DYNC2LI1: variants seen among roughly 807,000 people sequenced by gnomAD.
The protein encoded by DYNC2LI1 is cytoplasmic dynein 2 light intermediate chain 1.
DYNC2LI1 carries 45 observed loss-of-function variants against 51.9 expected under a neutral mutation model. That is an observed-to-expected ratio of 0.87 (90% CI 0.68 to 1.11). The LOEUF (loss-of-function observed/expected upper bound fraction) is 1.11. Ranked by LOEUF, DYNC2LI1 falls within the 50% of genes most tolerant of loss-of-function variation. DYNC2LI1 has a pLI of 0.00. For missense variants in DYNC2LI1, 490 were observed against 417.4 expected (o/e 1.17, Z -1.51); for synonymous variants, 130 against 137.8 (o/e 0.94, Z 0.40).
At chr2:43,801,540 T>G (rs1177035025) in intron 9 of DYNC2LI1, 99 bp from the exon 10 acceptor site, 7 of 821,670 alleles carry the variant, frequency 8.5e-6, no homozygotes, top group Non-Finnish European at 1.4e-5. Context: ...AGTGGCTAAA[T>G]GTAAAACTAG....
In DYNC2LI1 at chr2:43,801,640, A is replaced by G; in HGVS notation, c.733A>G (p.Lys245Glu). ...NQLAFGIDKS[K>E]SICVDQNKPL... is the part of the protein sequence containing the mutation. ...AGAATCTTTCTCTTCTCCACGTAGC[A>G]AATCAATATGTGTGGATCAGAATAA... Residue 245 changes from lysine (K) to glutamate (E), a missense_variant and splice_region_variant, in exon 10 of 13, where the codon AAA becomes GAA. Transcript: ENST00000260605. 14 of 1,606,810 alleles carry G rather than the reference A, an allele frequency of 8.7e-6. No homozygotes were observed. Among genetic ancestry groups the G allele is most frequent in the Non-Finnish European group, 1.2e-5 (14 of 1,176,194 alleles).
In DYNC2LI1 at chr2:43,774,109, G is replaced by A; in HGVS notation, c.-30G>A. The A allele has an allele frequency of 6.2e-7, 1 of 1,613,734 alleles. No individual in the cohort carries two copies. Among genetic ancestry groups the A allele is most frequent in the East Asian group, 2.2e-5 (1 of 44,850 alleles). ...CTAGGCTGGTCACTACTCCGAGCCT[G>A]TGACGTTTGCGGCAGCCAGGCCGTC... is the stretch of plus-strand genomic sequence containing the variant. On this transcript the variant is annotated 5_prime_UTR_variant, in exon 1 of 13. In the 5' UTR this introduces an upstream ATG that the reference lacks. Coordinates refer to ENST00000260605, the MANE Select transcript of DYNC2LI1 (RefSeq NM_016008.4).
At chr2:43,816,089 G>A in the DYNC2LI1 span, among the ~76,000 whole-genome samples, 8 of 152,066 alleles carry the variant, frequency 5.3e-5, no homozygotes, top group Non-Finnish European at 1.0e-4. Flanking sequence ...AACACAAAAT[G>A]TTCCACATGC....
At chr2:43,783,652 G>A (rs1383694971) in intron 3 of DYNC2LI1, 98 bp downstream of exon 3, 11 of 682,294 alleles carry the variant, frequency 1.6e-5, no homozygotes, top group Non-Finnish European at 2.3e-5. Context: ...ACGATTTTGA[G>A]ACCCAAACAA....
At chr2:43,813,708 C>CTT (rs1558715512), downstream of DYNC2LI1, among the ~76,000 whole-genome samples, 59 of 35,324 alleles carry the variant, frequency 1.7e-3, no homozygotes, top group Admixed American at 4.1e-3. Context: ...TTTTTTTTTT[C>CTT]GTTTTTTTTT....
At chr2:43,792,348 A>G (rs909065966) in intron 5 of DYNC2LI1, among the ~76,000 whole-genome samples, 4 of 152,168 alleles carry the variant, frequency 2.6e-5, no homozygotes, top group Non-Finnish European at 5.9e-5. Flanking sequence ...ATTAAATAAC[A>G]TATTATAATT....
chr2:43,775,125 C>T (rs1208671898), intron 1 of DYNC2LI1, among the ~76,000 whole-genome samples: 1 of 152,140 alleles, frequency 6.6e-6, no homozygotes, highest in African/African-American at 2.4e-5. Context: ...TTATGACAAT[C>T]CTATAAAGCT....
At chr2:43,818,423 G>A in the DYNC2LI1 span, among the ~76,000 whole-genome samples, 3 of 152,268 alleles carry the variant, frequency 2.0e-5, no homozygotes, top group South Asian at 2.1e-4. Flanking sequence ...CAGCCTGGGC[G>A]GCAGAGTGAA....
chr2:43,787,550 G>C (rs940012614), intron 4 of DYNC2LI1, among the ~76,000 whole-genome samples: 6 of 152,132 alleles, frequency 3.9e-5, no homozygotes, highest in African/African-American at 1.2e-4. Flanking sequence ...CAAAAAATCT[G>C]CTAAAATATA....
intron 9 of DYNC2LI1, 168 bp from the exon 10 acceptor site, chr2:43,801,471 T>G (rs1251352161): frequency 2.1e-6 from 1 of 481,920 alleles, no homozygotes; most frequent in Non-Finnish European, 3.7e-6. Flanking sequence ...TGCTATATGT[T>G]AATTTTTGAA....
intron 2 of DYNC2LI1, among the ~76,000 whole-genome samples, chr2:43,783,257 G>A (rs1392363129): frequency 1.3e-5 from 2 of 152,120 alleles, no homozygotes; most frequent in East Asian, 3.9e-4. Flanking sequence ...ACTTAAGTGA[G>A]GTATGATTTG....
intron 1 of DYNC2LI1, 27 bp from the exon 2 acceptor site, chr2:43,776,748 TCCCTCAA>T: frequency 1.1e-6 from 1 of 932,688 alleles, no homozygotes; most frequent in Admixed American, 2.5e-5. Context: ...GAATTCTTTT[TCCCTCAA>T]TTTTGTTTTT....
chr2:43,810,901 T>A (rs1418083550), downstream of DYNC2LI1, among the ~76,000 whole-genome samples: 2 of 152,346 alleles, frequency 1.3e-5, no homozygotes, highest in East Asian at 3.9e-4. Flanking sequence ...GGAATTGTTA[T>A]TATGTAATTT....
chr2:43,778,761 G>A (rs1232302528), intron 2 of DYNC2LI1, among the ~76,000 whole-genome samples: 1 of 151,950 alleles, frequency 6.6e-6, no homozygotes, highest in Non-Finnish European at 1.5e-5. Flanking sequence ...AGTTATTCTT[G>A]ACTCCCTTGT....
rs1666418782 is a variant in DYNC2LI1 at position 43,809,826 on chromosome 2, T to C, written c.*59T>C. 8 of 1,545,388 alleles carry C rather than the reference T, an allele frequency of 5.2e-6. No homozygotes were observed. Among genetic ancestry groups the C allele is most frequent in the Non-Finnish European group, 6.1e-6 (7 of 1,147,294 alleles). On this transcript the variant is annotated 3_prime_UTR_variant, in exon 13 of 13. Transcript: ENST00000260605. ...TTTCCAAATACAAATAAGATTATAC[T>C]GTGAATTAACTATTGTGGCAATATG...
chr2:43,786,002 T>C (rs1040589182), intron 3 of DYNC2LI1, among the ~76,000 whole-genome samples: 3 of 152,132 alleles, frequency 2.0e-5, no homozygotes, highest in Admixed American at 2.0e-4. Context: ...TAAATATATA[T>C]ACACCATAAA....
At chr2:43,820,145 T>C in the DYNC2LI1 span, 1 of 1,584,894 alleles carries the variant, frequency 6.3e-7, no homozygotes, top group South Asian at 1.1e-5. Flanking sequence ...AGGGCTATCA[T>C]TTAAGAAAAA....
At chr2:43,795,994 A>G (rs764287083) in intron 7 of DYNC2LI1, 36 bp downstream of exon 7, 9 of 1,462,604 alleles carry the variant, frequency 6.2e-6, no homozygotes, top group South Asian at 2.4e-5. Context: ...TTTGTTGTAC[A>G]TATATGGCTG....
At chr2:43,817,388 G>A in the DYNC2LI1 span, among the ~76,000 whole-genome samples, 2 of 152,154 alleles carry the variant, frequency 1.3e-5, no homozygotes, top group East Asian at 3.9e-4. Context: ...AGGAGGCTAA[G>A]GCAGGAGAAT....
Sources: allele counts gnomAD v4.1 joint callset (sites outside exome capture counted in the v4.1 genomes callset), GRCh38; gene constraint gnomAD v4.1.1; transcripts MANE v1.5; gene names NCBI Gene and HGNC (gene_info 2026-07-23, HGNC 2026-07-21).